Variants in USH2A observed in about 807,000 individuals in gnomAD.
USH2A encodes the protein usherin, also known as Usher syndrome 2A (autosomal recessive, mild).
In USH2A, 443 loss-of-function variants were observed where a neutral mutation model predicts 538.9. That is an observed-to-expected ratio of 0.82 (90% CI 0.76 to 0.89). USH2A has a LOEUF of 0.89. USH2A is among the 40% of genes least tolerant of loss of function. The pLI is 0.00. For synonymous variants in USH2A, 2,413 were observed against 2,273.5 expected, an observed-to-expected ratio of 1.06 and a Z score of -1.75; for missense variants, 6,633 against 6,324.8, an observed-to-expected ratio of 1.05 and a Z score of -1.65.
At chr1:215,707,378 T>C (rs928888864) in intron 61 of USH2A, among the ~76,000 whole-genome samples, 8 of 152,182 alleles carry the variant, frequency 5.3e-5, no homozygotes, top group Admixed American at 3.9e-4. Flanking sequence ...TAGATGTACC[T>C]TAGGTAAATC....
At chr1:215,979,773 A>T (rs1667706491) in intron 35 of USH2A, among the ~76,000 whole-genome samples, 1 of 152,172 alleles carries the variant, frequency 6.6e-6, no homozygotes, top group African/African-American at 2.4e-5. Context: ...TGATAAAATC[A>T]CTATTCAGAA....
chr1:216,285,491 G>T (rs938585610), intron 11 of USH2A, among the ~76,000 whole-genome samples: 2 of 152,218 alleles, frequency 1.3e-5, no homozygotes, highest in Admixed American at 1.3e-4. Context: ...CAGGGGCAGA[G>T]CCCTAATGAA....
chr1:215,848,136 C>T (rs891292876), intron 44 of USH2A, among the ~76,000 whole-genome samples: 2 of 152,122 alleles, frequency 1.3e-5, no homozygotes, highest in Non-Finnish European at 2.9e-5. Flanking sequence ...TCGTCAAGTA[C>T]AGCAAAGCCA....
intron 21 of USH2A, among the ~76,000 whole-genome samples, chr1:216,172,557 T>A (rs570813869): frequency 6.6e-6 from 1 of 152,258 alleles, no homozygotes; most frequent in East Asian, 1.9e-4. Context: ...AAAAACTGAA[T>A]GAAATATAAA....
At position 216,422,076 on chromosome 1, in the gene USH2A, A is replaced by C; in HGVS notation, c.261T>G (p.Asp87Glu). ...QFCTQRFCIQ[D>E]CPYRSSHPTY... The stretch of plus-strand genomic sequence containing the variant: ...TAGGGTGTGAAGATCTGTATGGGCA[A>C]TCCTGAATACAAAACCGCTGGGTAC... Residue 87 changes from aspartate to glutamate, a missense_variant, in exon 2 of 72, where the codon GAT becomes GAG. Transcript: ENST00000307340. The C allele has an allele frequency of 6.2e-7, 1 of 1,613,872 alleles. No individual in the cohort carries two copies. Among genetic ancestry groups the C allele is most frequent in the Non-Finnish European group, 8.5e-7 (1 of 1,179,902 alleles).
intron 49 of USH2A, among the ~76,000 whole-genome samples, chr1:215,803,893 G>T (rs950393862): frequency 5.3e-5 from 8 of 152,068 alleles, no homozygotes; most frequent in African/African-American, 1.9e-4. Flanking sequence ...AGACTACAAG[G>T]CTACAGTAAC....
At chr1:215,736,060 C>A (rs1198142685) in intron 60 of USH2A, among the ~76,000 whole-genome samples, 5 of 151,482 alleles carry the variant, frequency 3.3e-5, no homozygotes, top group Admixed American at 3.3e-4. Context: ...AGTGTTAGAG[C>A]CAGGCCCTGG....
chr1:215,826,536 A>G (rs1224767385), intron 47 of USH2A, among the ~76,000 whole-genome samples: 1 of 152,214 alleles, frequency 6.6e-6, no homozygotes, highest in Non-Finnish European at 1.5e-5. Context: ...TTTAGAAATG[A>G]TAGAATCTTT....
intron 47 of USH2A, among the ~76,000 whole-genome samples, chr1:215,836,563 A>T (rs375512660): frequency 0.4 from 11,502 of 28,532 alleles, 2,919 homozygotes; most frequent in African/African-American, 0.56. Context: ...ATATATATAT[A>T]TATTTTTTTT....
rs574600914 is a variant in USH2A, at chr1:216,026,476, C to T, written c.6325+19955G>A. Among the ~76,000 whole-genome samples, 9 of 152,212 alleles carry T rather than the reference C, an allele frequency of 5.9e-5. No individual in the cohort carries two copies. The South Asian group carries it at 1.2e-3, about 21-fold the overall frequency. ...AACATTTTATCCAATGTATGTCAAG[C>T]ATTGGTACACTTCTGTGATACAAAC... On this transcript the variant is annotated intron_variant, in intron 32 of 71. Coordinates refer to ENST00000307340, the MANE Select transcript of USH2A (RefSeq NM_206933.4).
chr1:216,233,210 TC>T (rs998459264), intron 13 of USH2A, among the ~76,000 whole-genome samples: 1 of 151,998 alleles, frequency 6.6e-6, no homozygotes, highest in Admixed American at 6.6e-5. Context: ...TCATGGCTCA[TC>T]CCCCCGCTCA....
At chr1:216,185,130 C>T (rs2034573422) in intron 20 of USH2A, among the ~76,000 whole-genome samples, 2 of 151,872 alleles carry the variant, frequency 1.3e-5, no homozygotes, top group Non-Finnish European at 2.9e-5. Flanking sequence ...CAACTCATTA[C>T]CTTCATACAC....
intron 30 of USH2A, among the ~76,000 whole-genome samples, chr1:216,066,756 C>T (rs2031388178): frequency 6.6e-6 from 1 of 152,144 alleles, no homozygotes; most frequent in Non-Finnish European, 1.5e-5. Flanking sequence ...AGGGTTAGAG[C>T]TAGAATATCA....
chr1:215,654,653 T>C (rs1466133250), intron 64 of USH2A, among the ~76,000 whole-genome samples: 1 of 152,202 alleles, frequency 6.6e-6, no homozygotes, highest in Non-Finnish European at 1.5e-5. Flanking sequence ...TAAAATGTCA[T>C]AGAAAACATA....
chr1:216,177,858 T>A (rs1038578895), intron 20 of USH2A, among the ~76,000 whole-genome samples: 66 of 152,132 alleles, frequency 4.3e-4, no homozygotes, highest in African/African-American at 1.6e-3. Flanking sequence ...TCTGCTGGAT[T>A]TGAGAGGTGA....
At chr1:215,996,560 GTTTT>G (rs753233925) in intron 34 of USH2A, among the ~76,000 whole-genome samples, 110 of 51,672 alleles carry the variant, frequency 2.1e-3, no homozygotes, top group African/African-American at 9.0e-3. Context: ...AACATATTAT[GTTTT>G]TTTTTTTTTT....
chr1:216,291,220 A>G (rs1305130557), intron 10 of USH2A, among the ~76,000 whole-genome samples: 1 of 151,884 alleles, frequency 6.6e-6, no homozygotes, highest in Admixed American at 6.6e-5. Context: ...CCTTCCTAAT[A>G]TCTCTTACCA....
At chr1:216,299,103 A>G (rs1050496581) in intron 9 of USH2A, among the ~76,000 whole-genome samples, 1 of 152,010 alleles carries the variant, frequency 6.6e-6, no homozygotes, top group Non-Finnish European at 1.5e-5. Context: ...CGGCCTCCCA[A>G]AGTGCTAGGT....
chr1:216,211,986 T>C (rs1327949582), intron 15 of USH2A, among the ~76,000 whole-genome samples: 2 of 152,162 alleles, frequency 1.3e-5, no homozygotes, highest in African/African-American at 4.8e-5. Flanking sequence ...AGTGATTTCA[T>C]CTAAAACTCT....
Sources: gnomAD v4.1 joint callset for allele counts (sites outside exome capture counted in the v4.1 genomes callset) on GRCh38, gnomAD v4.1.1 for gene constraint, MANE v1.5 for transcripts, NCBI Gene and HGNC (gene_info 2026-07-23, HGNC 2026-07-21) for gene names.